LARGE1: variants seen among roughly 807,000 people sequenced by gnomAD.
LARGE1 encodes the protein xylosyl- and glucuronyltransferase LARGE1.
In LARGE1, 43 loss-of-function variants were observed where a neutral mutation model predicts 87.6. The ratio of observed to expected loss-of-function variants is 0.49; its 90% CI spans 0.38 to 0.63. LARGE1 has a LOEUF of 0.63. LARGE1 is among the 30% of genes least tolerant of loss of function. The pLI, the probability that LARGE1 is intolerant of heterozygous loss-of-function variation, is 0.00. For missense variants in LARGE1, 802 were observed against 1,000.2 expected (o/e 0.80, Z 2.67); for synonymous variants, 434 against 394.6 (o/e 1.10, Z -1.18).
chr22:33,766,523 T>A (rs906786303), intron 1 of LARGE1, among the ~76,000 whole-genome samples: 5 of 152,156 alleles, frequency 3.3e-5, no homozygotes, highest in Non-Finnish European at 7.3e-5. Context: ...CCTCCCGGGT[T>A]CACGCATTCT....
At chr22:33,600,391 T>A (rs544882382) in intron 5 of LARGE1, among the ~76,000 whole-genome samples, 39 of 152,258 alleles carry the variant, frequency 2.6e-4, no homozygotes, top group African/African-American at 8.2e-4. Flanking sequence ...GCTTACGGTA[T>A]AGGAGATAGA....
chr22:33,133,156 A>G, the LARGE1 span, among the ~76,000 whole-genome samples: 1 of 152,236 alleles, frequency 6.6e-6, no homozygotes, highest in African/African-American at 2.4e-5. Flanking sequence ...TAGGAAGAAG[A>G]AACAATTACC....
At chr22:33,415,368 C>G (rs368314056) in intron 7 of LARGE1, among the ~76,000 whole-genome samples, 1 of 152,192 alleles carries the variant, frequency 6.6e-6, no homozygotes, top group East Asian at 1.9e-4. Flanking sequence ...GAAAAAGTCT[C>G]AGAGTGAGAG....
At chr22:33,543,731 A>C (rs2077276776) in intron 6 of LARGE1, among the ~76,000 whole-genome samples, 1 of 152,170 alleles carries the variant, frequency 6.6e-6, no homozygotes, top group African/African-American at 2.4e-5. Flanking sequence ...ATGTAATCTA[A>C]AATCTGTCTT....
At chr22:33,478,943 G>A (rs939908329) in intron 6 of LARGE1, among the ~76,000 whole-genome samples, 8 of 152,294 alleles carry the variant, frequency 5.3e-5, no homozygotes, top group South Asian at 2.1e-4. Flanking sequence ...CCCCAGGATG[G>A]AGCAGGTGGC....
At chr22:33,317,880 G>A (rs1936326173) in intron 10 of LARGE1, among the ~76,000 whole-genome samples, 1 of 152,164 alleles carries the variant, frequency 6.6e-6, no homozygotes, top group South Asian at 2.1e-4. Context: ...GCTCCACCAT[G>A]ACTGGAGCGA....
intron 1 of LARGE1, among the ~76,000 whole-genome samples, chr22:33,909,275 G>C (rs139288383): frequency 7.8e-4 from 118 of 152,256 alleles, no homozygotes; most frequent in African/African-American, 2.8e-3. Context: ...AAATTCACAA[G>C]CCTCCCTGGG....
intron 8 of LARGE1, among the ~76,000 whole-genome samples, chr22:33,383,790 G>T (rs1047650266): frequency 5.3e-5 from 8 of 152,170 alleles, no homozygotes; most frequent in African/African-American, 1.9e-4. Flanking sequence ...TGGGAAATAT[G>T]CTGTGGCATT....
intron 11 of LARGE1, among the ~76,000 whole-genome samples, chr22:33,184,318 A>T (rs1923359596): frequency 6.6e-6 from 1 of 151,316 alleles, no homozygotes. Flanking sequence ...AATATTTGGA[A>T]GCTAAATACT....
intron 11 of LARGE1, among the ~76,000 whole-genome samples, chr22:33,207,737 C>T (rs1924757112): frequency 6.6e-6 from 1 of 152,090 alleles, no homozygotes; most frequent in Non-Finnish European, 1.5e-5. Context: ...ATTGGCAAAT[C>T]CACTGCTCCA....
At chr22:33,698,462 G>T (rs558773175) in intron 2 of LARGE1, among the ~76,000 whole-genome samples, 1 of 150,854 alleles carries the variant, frequency 6.6e-6, no homozygotes, top group Non-Finnish European at 1.5e-5. Context: ...CACCACGCTC[G>T]GCTAATTTTT....
chr22:33,152,409 A>G, the LARGE1 span, among the ~76,000 whole-genome samples: 1 of 152,208 alleles, frequency 6.6e-6, no homozygotes, highest in Non-Finnish European at 1.5e-5. Context: ...AAGAGTGCCT[A>G]CTGGCCCGAG....
chr22:33,559,866 T>C (rs2077802727), intron 6 of LARGE1, among the ~76,000 whole-genome samples: 1 of 152,132 alleles, frequency 6.6e-6, no homozygotes. Flanking sequence ...AACTACACTT[T>C]TCTATGCTAA....
chr22:33,273,694 T>C lies in LARGE1; in HGVS notation c.*733A>G, dbSNP rs1245955782. 1 of 398,590 alleles carries C rather than the reference T, an allele frequency of 2.5e-6. No homozygotes were observed. Among genetic ancestry groups the C allele is most frequent in the Non-Finnish European group, 4.4e-6 (1 of 226,436 alleles). 24.7% of individuals were successfully genotyped at this position (398,590 alleles called of 1,614,324 possible). ...GGCCGAAGATGCTTGACCTCCTTCC[T>C]GGGCCACTGCTGATAGAGGGTGGTT... is the stretch of plus-strand genomic sequence containing the variant. On this transcript the variant is annotated 3_prime_UTR_variant, in exon 15 of 15. Coordinates refer to ENST00000397394, the MANE Select transcript of LARGE1 (RefSeq NM_133642.5).
At chr22:33,434,489 CG>C (rs1298461987) in intron 6 of LARGE1, among the ~76,000 whole-genome samples, 2 of 151,938 alleles carry the variant, frequency 1.3e-5, no homozygotes, top group Non-Finnish European at 2.9e-5. Flanking sequence ...TTAGTAGAGA[CG>C]GGGTTTCACC....
At chr22:33,653,788 C>G (rs1049381249) in intron 2 of LARGE1, among the ~76,000 whole-genome samples, 6 of 152,060 alleles carry the variant, frequency 3.9e-5, no homozygotes, top group African/African-American at 1.4e-4. Context: ...CAGAGTTGTT[C>G]TGTGTGTTGT....
chr22:33,330,708 T>C (rs957380049), intron 10 of LARGE1, among the ~76,000 whole-genome samples: 1 of 152,226 alleles, frequency 6.6e-6, no homozygotes, highest in African/African-American at 2.4e-5. Context: ...TGTCATTCCA[T>C]AGCACTGGGG....
chr22:33,487,982 T>C (rs1469396960), intron 6 of LARGE1, among the ~76,000 whole-genome samples: 1 of 152,166 alleles, frequency 6.6e-6, no homozygotes, highest in African/African-American at 2.4e-5. Context: ...AATTCAATTG[T>C]GCTACTCATG....
At chr22:33,842,079 C>G (rs751575542) in intron 1 of LARGE1, among the ~76,000 whole-genome samples, 1 of 152,182 alleles carries the variant, frequency 6.6e-6, no homozygotes, top group Non-Finnish European at 1.5e-5. Context: ...TTACTGTTAT[C>G]GAAATCGAAA....
Sources: gnomAD v4.1 joint callset for allele counts (sites outside exome capture counted in the v4.1 genomes callset) on GRCh38, gnomAD v4.1.1 for gene constraint, MANE v1.5 for transcripts, NCBI Gene and HGNC (gene_info 2026-07-23, HGNC 2026-07-21) for gene names.